SORCS2: variants seen among roughly 807,000 people sequenced by gnomAD.
SORCS2 encodes the protein sortilin related VPS10 domain containing receptor 2.
Under a neutral mutation model 141.6 loss-of-function variants are expected in SORCS2, and 100 were observed. The ratio of observed to expected loss-of-function variants is 0.71; its 90% confidence interval spans 0.60 to 0.83. The LOEUF (loss-of-function observed/expected upper bound fraction) is 0.83. Among genes scored for constraint, SORCS2 ranks in the 40% least tolerant of loss-of-function variants. SORCS2 has a pLI of 0.00. For missense variants in SORCS2, 1,646 were observed against 1,560.2 expected (o/e 1.05, Z -0.93); for synonymous variants, 789 against 676.9 (o/e 1.17, Z -2.57).
chr4:7,628,995 A>C (rs1383420226), intron 3 of SORCS2, among the ~76,000 whole-genome samples: 1 of 152,146 alleles, frequency 6.6e-6, no homozygotes, highest in Non-Finnish European at 1.5e-5. Context: ...GTGCTGAGGA[A>C]GGGCCTCTGA....
intron 4 of SORCS2, among the ~76,000 whole-genome samples, 179 bp downstream of exon 4, chr4:7,638,671 C>G (rs1463012418): frequency 6.6e-6 from 1 of 152,044 alleles, no homozygotes; most frequent in Admixed American, 6.5e-5. Flanking sequence ...CTTGGTGCCC[C>G]CTCAAGGGAC....
chr4:7,540,228 CTGCCCCTGCCTCTCCT>C (rs1174571538), intron 3 of SORCS2, among the ~76,000 whole-genome samples: 3 of 149,464 alleles, frequency 2.0e-5, no homozygotes, highest in Non-Finnish European at 3.0e-5. Flanking sequence ...CTGCCTCTCC[CTGCCCCTGCCTCTCCT>C]TCCTGCCAAC....
At chr4:7,494,046 T>C (rs560138099) in intron 2 of SORCS2, among the ~76,000 whole-genome samples, 24 of 151,654 alleles carry the variant, frequency 1.6e-4, no homozygotes, top group African/African-American at 5.3e-4. Context: ...CACACACACA[T>C]ACACTCACAT....
intron 2 of SORCS2, among the ~76,000 whole-genome samples, chr4:7,490,403 A>T (rs1731247088): frequency 6.6e-6 from 1 of 152,074 alleles, no homozygotes; most frequent in South Asian, 2.1e-4. Flanking sequence ...AGAGCTGAGG[A>T]CTACCCTAGA....
intron 26 of SORCS2, among the ~76,000 whole-genome samples, chr4:7,739,413 C>T (rs562577602): frequency 3.0e-4 from 46 of 152,282 alleles, no homozygotes; most frequent in African/African-American, 1.0e-3. Context: ...CCCCAGCCCC[C>T]GATGGCTTTT....
chr4:7,567,879 T>C (rs1715131934), intron 3 of SORCS2, among the ~76,000 whole-genome samples: 1 of 152,238 alleles, frequency 6.6e-6, no homozygotes, highest in Admixed American at 6.5e-5. Flanking sequence ...TATAATCCAA[T>C]AGTACCTTAT....
chr4:7,586,965 T>C (rs1192630491), intron 3 of SORCS2, among the ~76,000 whole-genome samples: 1 of 152,062 alleles, frequency 6.6e-6, no homozygotes, highest in African/African-American at 2.4e-5. Flanking sequence ...TGTGTTGGAC[T>C]GTAGAGCTCA....
chr4:7,450,530 C>T (rs1041629423), intron 2 of SORCS2, among the ~76,000 whole-genome samples: 3 of 152,218 alleles, frequency 2.0e-5, no homozygotes, highest in African/African-American at 7.2e-5. Context: ...CCCAACCTTG[C>T]CCCGCAGGAC....
intron 1 of SORCS2, among the ~76,000 whole-genome samples, chr4:7,203,565 G>T (rs1325253306): frequency 6.8e-6 from 1 of 147,444 alleles, no homozygotes; most frequent in African/African-American, 2.5e-5. Flanking sequence ...AGTGAGCCGA[G>T]ATCGTGCCAC....
At chr4:7,251,698 A>C (rs1484865010) in intron 1 of SORCS2, among the ~76,000 whole-genome samples, 3 of 152,172 alleles carry the variant, frequency 2.0e-5, no homozygotes, top group African/African-American at 7.2e-5. Context: ...CCAGGCAGGA[A>C]GAAGGGGATG....
intron 1 of SORCS2, among the ~76,000 whole-genome samples, chr4:7,292,993 G>T (rs998236121): frequency 6.6e-6 from 1 of 152,156 alleles, no homozygotes; most frequent in African/African-American, 2.4e-5. Context: ...CTCTATTGAG[G>T]AGTCTGTGAC....
At chr4:7,640,412 G>A (rs529606603) in intron 4 of SORCS2, among the ~76,000 whole-genome samples, 1 of 139,220 alleles carries the variant, frequency 7.2e-6, no homozygotes, top group Admixed American at 7.1e-5. Flanking sequence ...GTGTGGGTGA[G>A]TGTGTGTGAT....
At chr4:7,724,193 G>A (rs1352412208) in intron 19 of SORCS2, among the ~76,000 whole-genome samples, 9 of 141,246 alleles carry the variant, frequency 6.4e-5, no homozygotes, top group African/African-American at 2.7e-4. Context: ...AGTACTGGTG[G>A]TGGTGGTGAT....
intron 1 of SORCS2, among the ~76,000 whole-genome samples, chr4:7,388,217 G>T (rs1021785696): frequency 6.6e-6 from 1 of 152,176 alleles, no homozygotes; most frequent in African/African-American, 2.4e-5. Context: ...GTGTTGGCCT[G>T]GCTCCTGCTC....
intron 3 of SORCS2, among the ~76,000 whole-genome samples, chr4:7,623,217 C>T (rs1371784317): frequency 1.3e-5 from 2 of 152,178 alleles, no homozygotes; most frequent in South Asian, 2.1e-4. Context: ...TGATGCCCCA[C>T]CTTTGACAAT....
chr4:7,525,944 CAGTCACCTGTCCCCTTCT>C (rs1733665304), intron 2 of SORCS2, among the ~76,000 whole-genome samples: 1 of 131,970 alleles, frequency 7.6e-6, no homozygotes, highest in Admixed American at 7.4e-5. Flanking sequence ...GTCCCCTCCT[CAGTCACCTGTCCCCTTCT>C]CAGTCACCTG....
intron 2 of SORCS2, among the ~76,000 whole-genome samples, chr4:7,410,098 A>G (rs1012091801): frequency 2.0e-5 from 3 of 152,236 alleles, no homozygotes; most frequent in Non-Finnish European, 4.4e-5. Context: ...TGGTGTGACC[A>G]TGCTGAAATT....
chr4:7,393,636 TG>T (rs1193810661), intron 1 of SORCS2, among the ~76,000 whole-genome samples: 1 of 152,032 alleles, frequency 6.6e-6, no homozygotes, highest in Non-Finnish European at 1.5e-5. Context: ...ATGTGGCTCC[TG>T]GGGGCATGGG....
intron 12 of SORCS2, among the ~76,000 whole-genome samples, chr4:7,702,773 G>T (rs184858604): frequency 2.0e-5 from 3 of 152,264 alleles, no homozygotes; most frequent in Non-Finnish European, 4.4e-5. Context: ...GGACTGAAGA[G>T]ACAATGACAG....
Sources: allele counts gnomAD v4.1 joint callset (sites outside exome capture counted in the v4.1 genomes callset), GRCh38; gene constraint gnomAD v4.1.1; transcripts MANE v1.5; gene names NCBI Gene and HGNC (gene_info 2026-07-23, HGNC 2026-07-21).